BLTP3B: variants seen among roughly 807,000 people sequenced by gnomAD.
BLTP3B encodes the protein UHRF1 (ICBP90) binding protein 1-like.
At chr12:100,049,343 T>C in the BLTP3B span, among the ~76,000 whole-genome samples, 1 of 152,220 alleles carries the variant, frequency 6.6e-6, no homozygotes, top group Non-Finnish European at 1.5e-5. Flanking sequence ...AGAAGACTGC[T>C]ATATCAATTC....
the BLTP3B span, among the ~76,000 whole-genome samples, chr12:100,063,247 G>C: frequency 6.6e-6 from 1 of 152,124 alleles, no homozygotes; most frequent in African/African-American, 2.4e-5. Context: ...CCCAAATACT[G>C]TGCTGGTACT....
At chr12:100,102,539 G>A in the BLTP3B span, among the ~76,000 whole-genome samples, 1 of 152,226 alleles carries the variant, frequency 6.6e-6, no homozygotes, top group Non-Finnish European at 1.5e-5. Context: ...TTCTGTTGCT[G>A]CTCTGCCATT....
chr12:100,098,305 A>G, the BLTP3B span: 1 of 1,517,070 alleles, frequency 6.6e-7, no homozygotes, highest in Admixed American at 2.1e-5. Context: ...GTCCTCTTTT[A>G]CTTGTCACTA....
chr12:100,105,101 G>A, the BLTP3B span, among the ~76,000 whole-genome samples: 1 of 151,914 alleles, frequency 6.6e-6, no homozygotes, highest in African/African-American at 2.4e-5. Flanking sequence ...TCTTCTCAAA[G>A]TACTAACATC....
chr12:100,071,826 G>C, the BLTP3B span, among the ~76,000 whole-genome samples: 1 of 152,134 alleles, frequency 6.6e-6, no homozygotes, highest in Non-Finnish European at 1.5e-5. Context: ...TATAAATGAA[G>C]TTATATAGCT....
chr12:100,140,753 TAA>T, the BLTP3B span, among the ~76,000 whole-genome samples: 3 of 106,950 alleles, frequency 2.8e-5, no homozygotes, highest in Non-Finnish European at 5.7e-5. Flanking sequence ...TATATATATA[TAA>T]AATAAAATAA....
At chr12:100,049,311 A>G in the BLTP3B span, among the ~76,000 whole-genome samples, 1 of 152,222 alleles carries the variant, frequency 6.6e-6, no homozygotes, top group Admixed American at 6.5e-5. Flanking sequence ...TATGAAAGTT[A>G]TTTATCCCAC....
At chr12:100,057,967 CAT>C in the BLTP3B span, 1 of 1,503,788 alleles carries the variant, frequency 6.6e-7, no homozygotes, top group Non-Finnish European at 8.9e-7. Context: ...AAAATACACT[CAT>C]AGGCACACAC....
chr12:100,115,779 A>C, the BLTP3B span, among the ~76,000 whole-genome samples: 6 of 152,074 alleles, frequency 3.9e-5, no homozygotes, highest in African/African-American at 1.2e-4. Context: ...AAAACAAAAA[A>C]ACAAAAAAAA....
At chr12:100,049,203 C>CA in the BLTP3B span, among the ~76,000 whole-genome samples, 3 of 151,830 alleles carry the variant, frequency 2.0e-5, no homozygotes, top group African/African-American at 7.3e-5. Flanking sequence ...AGCTCCCTAG[C>CA]AAAAAAGATA....
chr12:100,066,329 C>T, the BLTP3B span, among the ~76,000 whole-genome samples: 142 of 152,262 alleles, frequency 9.3e-4, 1 homozygote, highest in Non-Finnish European at 1.4e-3. Context: ...CTATCACAAT[C>T]CGAAACATAC....
the BLTP3B span, among the ~76,000 whole-genome samples, chr12:100,141,426 T>C: frequency 2.1e-4 from 30 of 140,256 alleles, no homozygotes; most frequent in Admixed American, 1.7e-3. Flanking sequence ...TATGTATATA[T>C]GTACATATGT....
chr12:100,108,421 T>C, the BLTP3B span: 4 of 1,613,190 alleles, frequency 2.5e-6, no homozygotes, highest in Admixed American at 1.7e-5. Context: ...ACTTTGTTGA[T>C]AGCAAGCCAT....
chr12:100,095,686 A>C, the BLTP3B span: 3 of 1,612,804 alleles, frequency 1.9e-6, no homozygotes, highest in Non-Finnish European at 2.5e-6. Flanking sequence ...TTCAGGAGCC[A>C]TACTCTTCCT....
chr12:100,113,785 C>A, the BLTP3B span, among the ~76,000 whole-genome samples: 1 of 151,222 alleles, frequency 6.6e-6, no homozygotes, highest in South Asian at 2.1e-4. Flanking sequence ...TAGAGACACC[C>A]TGTCTCAGAA....
At chr12:100,083,056 C>G in the BLTP3B span, 3 of 1,613,714 alleles carry the variant, frequency 1.9e-6, no homozygotes, top group Admixed American at 1.7e-5. Context: ...CACAACAGAA[C>G]TAGACATTAG....
the BLTP3B span, chr12:100,058,687 G>A: frequency 1.2e-6 from 2 of 1,614,036 alleles, no homozygotes; most frequent in Non-Finnish European, 1.7e-6. Flanking sequence ...GCACTTCTAA[G>A]TAAAATTCCA....
the BLTP3B span, among the ~76,000 whole-genome samples, chr12:100,093,994 T>C: frequency 2.0e-4 from 30 of 152,220 alleles, no homozygotes; most frequent in African/African-American, 6.8e-4. Context: ...TTGTGAAACC[T>C]TTCCACACCC....
At chr12:100,106,423 C>A in the BLTP3B span, among the ~76,000 whole-genome samples, 1 of 152,034 alleles carries the variant, frequency 6.6e-6, no homozygotes, top group Non-Finnish European at 1.5e-5. Context: ...TACTACTCAG[C>A]CATAAAAAAA....
Sources: gnomAD v4.1 joint callset for allele counts (sites outside exome capture counted in the v4.1 genomes callset) on GRCh38, gnomAD v4.1.1 for gene constraint, MANE v1.5 for transcripts, NCBI Gene and HGNC (gene_info 2026-07-23, HGNC 2026-07-21) for gene names.